Variants in CDIN1 observed in about 807,000 individuals in gnomAD.
The protein encoded by CDIN1 is CDAN1 interacting nuclease 1, also known as CDAN1-interacting nuclease 1.
A neutral mutation model predicts 45.3 loss-of-function variants in CDIN1; 33 were observed. The ratio of observed to expected loss-of-function variants is 0.73; its 90% confidence interval spans 0.55 to 0.97. CDIN1 has a LOEUF of 0.97. Ranked by LOEUF, CDIN1 falls within the 50% of genes least tolerant of loss-of-function variation. CDIN1 has a pLI of 0.00. For missense variants in CDIN1, 303 were observed against 339.4 expected (o/e 0.89, Z 0.84); for synonymous variants, 118 against 124.4 (o/e 0.95, Z 0.34).
At chr15:36,788,735 T>C (rs2054571904) in intron 10 of CDIN1, among the ~76,000 whole-genome samples, 2 of 152,300 alleles carry the variant, frequency 1.3e-5, no homozygotes, top group South Asian at 4.1e-4. Flanking sequence ...ATTTTTTTTA[T>C]TTCTGTTTAC....
chr15:36,687,492 T>C (rs186696964), intron 5 of CDIN1, among the ~76,000 whole-genome samples: 2 of 152,298 alleles, frequency 1.3e-5, no homozygotes, highest in East Asian at 3.9e-4. Context: ...GTATTACCAC[T>C]AGGTCACATT....
At chr15:36,647,023 C>CT (rs11433757) in intron 3 of CDIN1, among the ~76,000 whole-genome samples, 46,748 of 122,096 alleles carry the variant, frequency 0.38, 10,925 homozygotes, top group Admixed American at 0.51. Context: ...AAATAAATAT[C>CT]TTTTTTTTTT....
chr15:36,747,917 C>T (rs1269695616), intron 10 of CDIN1, among the ~76,000 whole-genome samples: 1 of 152,030 alleles, frequency 6.6e-6, no homozygotes, highest in Non-Finnish European at 1.5e-5. Flanking sequence ...TAACACTACA[C>T]TGTGAGTTAA....
At chr15:36,764,247 C>A (rs889361352) in intron 10 of CDIN1, among the ~76,000 whole-genome samples, 2 of 121,834 alleles carry the variant, frequency 1.6e-5, no homozygotes, top group African/African-American at 6.2e-5. Flanking sequence ...ATTGTGAAAT[C>A]TGCTGTGTTA....
chr15:36,754,883 A>G (rs1272322171), intron 10 of CDIN1, among the ~76,000 whole-genome samples: 2 of 152,116 alleles, frequency 1.3e-5, no homozygotes, highest in African/African-American at 4.8e-5. Context: ...GAATTTCAGA[A>G]TTATTTTTCT....
chr15:36,678,778 A>G (rs955017017), intron 5 of CDIN1, among the ~76,000 whole-genome samples: 6 of 152,214 alleles, frequency 3.9e-5, no homozygotes, highest in Non-Finnish European at 8.8e-5. Context: ...GTTCAAGTGC[A>G]GCCTAATCAA....
intron 10 of CDIN1, among the ~76,000 whole-genome samples, chr15:36,777,184 A>C (rs947739347): frequency 1.3e-5 from 2 of 152,188 alleles, no homozygotes; most frequent in Non-Finnish European, 2.9e-5. Flanking sequence ...AGCAATATTT[A>C]CTGAGCCCAG....
rs139986907 is a variant in CDIN1, at chr15:36,698,985, C to G, written c.544+1595C>G. Among the ~76,000 whole-genome samples, 80 of 152,320 alleles carry G rather than the reference C, an allele frequency of 5.3e-4. 1 individual carries two copies. The East Asian group carries it at 0.014, about 26-fold the overall frequency. On this transcript the variant is annotated intron_variant, in intron 8 of 10. Coordinates refer to ENST00000566621, the MANE Select transcript of CDIN1 (RefSeq NM_001321759.2). ...TGTAAAAATGTGGTCTGGGGATCAT[C>G]TCTACTTGCAAACAAGTACAGAAAG...
intron 1 of CDIN1, among the ~76,000 whole-genome samples, chr15:36,586,108 G>A (rs1396397178): frequency 1.3e-5 from 2 of 151,840 alleles, no homozygotes; most frequent in African/African-American, 2.4e-5. Context: ...GACTAGTTCC[G>A]GCTCCTAGAA....
chr15:36,644,159 C>A, intron 1 of CDIN1, 119 bp from the exon 2 acceptor site: 1 of 940,332 alleles, frequency 1.1e-6, no homozygotes, highest in Non-Finnish European at 1.6e-6. Context: ...CTTTTCCACA[C>A]TTGTTTTCAT....
At chr15:36,685,728 C>A (rs2042017192) in intron 5 of CDIN1, among the ~76,000 whole-genome samples, 1 of 152,112 alleles carries the variant, frequency 6.6e-6, no homozygotes, top group South Asian at 2.1e-4. Flanking sequence ...AAACAAACAA[C>A]CCCATCAAAA....
Position 36,776,655 on chromosome 15 carries a change from T to C in CDIN1, c.717-31669T>C, listed in dbSNP as rs992026579. 2.6e-5 allele frequency among the ~76,000 whole-genome samples: 4 copies of C among 152,268 alleles called. 1 individual carries two copies. The East Asian group carries it at 7.7e-4, about 29-fold the overall frequency. On this transcript the variant is annotated intron_variant, in intron 10 of 10. Transcript: ENST00000566621. Reference sequence around the variant, plus strand: ...TGTTCAGTTATGTAAACTCATTTTCTGTGACATTTATAGGATCCTGGCCTA... The same window carrying C: ...TGTTCAGTTATGTAAACTCATTTTCCGTGACATTTATAGGATCCTGGCCTA...
At chr15:36,776,027 C>G (rs2054209816) in intron 10 of CDIN1, among the ~76,000 whole-genome samples, 1 of 152,162 alleles carries the variant, frequency 6.6e-6, no homozygotes, top group African/African-American at 2.4e-5. Flanking sequence ...TTTATTCTCC[C>G]AAGTATTTGG....
intron 1 of CDIN1, among the ~76,000 whole-genome samples, chr15:36,625,152 G>A (rs1222887097): frequency 6.6e-6 from 1 of 151,754 alleles, no homozygotes; most frequent in Non-Finnish European, 1.5e-5. Context: ...GTGGTGGCGG[G>A]CACCTGTAGT....
At chr15:36,690,911 A>G (rs1211528294) in intron 5 of CDIN1, among the ~76,000 whole-genome samples, 1 of 152,102 alleles carries the variant, frequency 6.6e-6, no homozygotes, top group Non-Finnish European at 1.5e-5. Context: ...AGGATCTCCT[A>G]CCTTGCTTTC....
chr15:36,707,063 T>A (rs1490682589), intron 8 of CDIN1: 1 of 152,006 alleles, frequency 6.6e-6, no homozygotes, highest in African/African-American at 2.4e-5. Context: ...AGATCTAGGA[T>A]GAAGGAAGCA....
chr15:36,614,041 A>G (rs1261167210), intron 1 of CDIN1: 1 of 1,157,922 alleles, frequency 8.6e-7, no homozygotes, highest in African/African-American at 1.5e-5. Context: ...AGAGATCAAG[A>G]TTCTACTGAT....
chr15:36,800,895 G>GTA (rs1566984191), intron 10 of CDIN1, among the ~76,000 whole-genome samples: 5 of 27,326 alleles, frequency 1.8e-4, no homozygotes, highest in African/African-American at 5.6e-4. Flanking sequence ...GTGTGTGTGT[G>GTA]TGTGTGTGTG....
At chr15:36,686,356 G>A (rs9796541) in intron 5 of CDIN1, among the ~76,000 whole-genome samples, 86,391 of 144,106 alleles carry the variant, frequency 0.6, 26,258 homozygotes, top group Admixed American at 0.7. Context: ...TGGGAATTGA[G>A]CAATGAGAAC....
Sources: allele counts gnomAD v4.1 joint callset (sites outside exome capture counted in the v4.1 genomes callset), GRCh38; gene constraint gnomAD v4.1.1; transcripts MANE v1.5; gene names NCBI Gene and HGNC (gene_info 2026-07-23, HGNC 2026-07-21).